The following TNIK variants were observed in gnomAD, a reference collection of about 807,000 sequenced individuals.
The protein encoded by TNIK is TRAF2 and NCK-interacting protein kinase.
A neutral mutation model predicts 191.3 loss-of-function variants in TNIK; 49 were observed. That is an observed-to-expected ratio of 0.26 (90% confidence interval 0.20 to 0.32). The LOEUF (loss-of-function observed/expected upper bound fraction) is 0.32, where lower values mean the gene tolerates loss of function less well. TNIK is among the 10% of genes least tolerant of loss of function. The pLI, the probability that TNIK is intolerant of heterozygous loss-of-function variation, is 1.00. For synonymous variants in TNIK, 594 were observed against 600.9 expected (o/e 0.99, Z 0.17); for missense variants, 1,155 against 1,702.3 (o/e 0.68, Z 5.66).
At chr3:171,292,069 C>T (rs1751749110) in intron 2 of TNIK, among the ~76,000 whole-genome samples, 1 of 152,102 alleles carries the variant, frequency 6.6e-6, no homozygotes, top group African/African-American at 2.4e-5. Flanking sequence ...TAAGATTTCC[C>T]TTTTGTCCCT....
At chr3:171,303,829 T>G (rs1449669446) in intron 2 of TNIK, among the ~76,000 whole-genome samples, 1 of 152,152 alleles carries the variant, frequency 6.6e-6, no homozygotes, top group African/African-American at 2.4e-5. Flanking sequence ...AAGAAAAATA[T>G]CATTGCTAGC....
chr3:171,243,206 C>A (rs1577227914), intron 2 of TNIK, among the ~76,000 whole-genome samples: 1 of 152,068 alleles, frequency 6.6e-6, no homozygotes, highest in Non-Finnish European at 1.5e-5. Flanking sequence ...AGTTGTCTAA[C>A]CTTGACAACT....
Position 171,309,734 on chromosome 3 carries a change from C to A in TNIK, c.123+59886G>T, listed in dbSNP as rs181223759. 1.6e-4 allele frequency among the ~76,000 whole-genome samples: 24 copies of A among 152,212 alleles called. 1 individual carries two copies. The East Asian group carries it at 4.0e-3, about 26-fold the overall frequency. On this transcript the variant is annotated intron_variant, in intron 2 of 32. Transcript: ENST00000436636. ...AGGGTGGGGGTTTTATGAAGAGAGA[C>A]CTTTCATTCAAAATATTACTAAATA...
At chr3:171,140,679 G>A (rs1207786491) in intron 12 of TNIK, among the ~76,000 whole-genome samples, 170 bp from the exon 13 acceptor site, 1 of 152,114 alleles carries the variant, frequency 6.6e-6, no homozygotes, top group Non-Finnish European at 1.5e-5. Context: ...GGCAGGGAGC[G>A]GGTGAGAGAG....
intron 2 of TNIK, among the ~76,000 whole-genome samples, chr3:171,334,257 GCT>G (rs1351430125): frequency 1.3e-5 from 2 of 152,182 alleles, no homozygotes; most frequent in Non-Finnish European, 2.9e-5. Context: ...GTTTGCCCTT[GCT>G]CTCTCTCGCT....
At chr3:171,250,810 C>T (rs1188092794) in intron 2 of TNIK, among the ~76,000 whole-genome samples, 2 of 152,220 alleles carry the variant, frequency 1.3e-5, no homozygotes, top group Non-Finnish European at 2.9e-5. Flanking sequence ...AAAAATGCTA[C>T]AAACTTCCAT....
At position 171,159,779 on chromosome 3, in the gene TNIK, AT is replaced by A. The variant is rs1400503059; in HGVS notation, c.1016+1490del. ...CCATTGTCCTTTTCTATTTTTCAGG[AT>A]TTCATGAAGATTAATTAGATACGTC... On this transcript the variant is annotated intron_variant, in intron 11 of 32. Coordinates refer to ENST00000436636, the MANE Select transcript of TNIK (RefSeq NM_015028.4). The surrounding 1 kb of genome is among the most constrained non-coding windows in gnomAD (Gnocchi z 4.1). Among the ~76,000 whole-genome samples, 1 of 152,182 alleles carries A rather than the reference AT, an allele frequency of 6.6e-6. No individual in the cohort carries two copies. The highest frequency in any genetic ancestry group is 1.5e-5 in the Non-Finnish European group (1 of 68,028).
Position 171,187,339 on chromosome 3 carries a change from G to A in TNIK, c.639+1363C>T, listed in dbSNP as rs139449551. ...GAGATTAATTTTTAACTTGGCAGCT[G>A]TTTTCAGACAGATTGTTGTCAGGTT... is the stretch of plus-strand genomic sequence containing the variant. On this transcript the variant is annotated intron_variant, in intron 7 of 32. Transcript: ENST00000436636. Among the ~76,000 whole-genome samples the A allele has an allele frequency of 4.7e-4, 71 of 152,256 alleles. No homozygotes were observed. The East Asian group carries it at 5.6e-3, about 12-fold the overall frequency.
intron 18 of TNIK, among the ~76,000 whole-genome samples, chr3:171,119,937 T>G (rs902676106): frequency 6.6e-6 from 1 of 152,148 alleles, no homozygotes; most frequent in Non-Finnish European, 1.5e-5. Context: ...CCCTAAAACT[T>G]AAAGTATATA....
chr3:171,068,206 G>A (rs1213957722), intron 30 of TNIK, among the ~76,000 whole-genome samples: 1 of 152,092 alleles, frequency 6.6e-6, no homozygotes, highest in African/African-American at 2.4e-5. Context: ...GGGCTAATAA[G>A]AAGATCTACA....
chr3:171,277,367 C>T (rs1000751018), intron 2 of TNIK, among the ~76,000 whole-genome samples: 6 of 152,028 alleles, frequency 3.9e-5, no homozygotes, highest in African/African-American at 1.2e-4. Context: ...CAATAAAAGC[C>T]TATTTCATTG....
chr3:171,460,257 GC>G lies in TNIK; in HGVS notation c.-195del. Reference sequence around the variant, plus strand: ...GCGCGTCGGTCCGCCGGGTCCGGGAGCCCAGCCTGCGCGGATCTCCAAGCCC... The same window carrying G: ...GCGCGTCGGTCCGCCGGGTCCGGGAGCCAGCCTGCGCGGATCTCCAAGCCC... On this transcript the variant is annotated 5_prime_UTR_variant, in exon 1 of 33. Coordinates refer to ENST00000436636, the MANE Select transcript of TNIK (RefSeq NM_015028.4). This position sits in a 1 kb window ranked among gnomAD's most constrained non-coding sequence, Gnocchi z 6.8. The G allele has an allele frequency of 1.5e-6, 1 of 676,590 alleles. No individual in the cohort carries two copies. Among genetic ancestry groups the G allele is most frequent in the Non-Finnish European group, 2.5e-6 (1 of 400,408 alleles). 41.9% of individuals were successfully genotyped at this position (676,590 alleles called of 1,614,324 possible). A position where few individuals can be genotyped will look rare whatever the true frequency, so the allele number is the denominator to read the frequency against.
intron 23 of TNIK, among the ~76,000 whole-genome samples, chr3:171,091,690 G>A (rs1292647453): frequency 2.6e-5 from 4 of 151,842 alleles, no homozygotes; most frequent in African/African-American, 7.3e-5. Flanking sequence ...AGCCGAGATT[G>A]CACCACTGCA....
chr3:171,324,240 G>C (rs1465989888), intron 2 of TNIK, among the ~76,000 whole-genome samples: 1 of 152,092 alleles, frequency 6.6e-6, no homozygotes, highest in African/African-American at 2.4e-5. Context: ...TAACTTCAAG[G>C]CTCTGTGCTT....
chr3:171,077,787 GTATA>G (rs1720160218), intron 28 of TNIK, among the ~76,000 whole-genome samples: 1 of 148,582 alleles, frequency 6.7e-6, no homozygotes, highest in Non-Finnish European at 1.5e-5. Flanking sequence ...CTCTACATAT[GTATA>G]TACACATATA....
intron 2 of TNIK, among the ~76,000 whole-genome samples, chr3:171,338,295 T>A (rs1170550003): frequency 6.6e-6 from 1 of 152,178 alleles, no homozygotes; most frequent in African/African-American, 2.4e-5. Context: ...TGTGTGTATA[T>A]ATGAAATCCC....
intron 29 of TNIK, among the ~76,000 whole-genome samples, chr3:171,070,831 C>T (rs1290893602): frequency 6.6e-6 from 1 of 152,220 alleles, no homozygotes; most frequent in Non-Finnish European, 1.5e-5. Context: ...TTAAAAGAGA[C>T]TCAGTTTAAC....
Position 171,066,743 on chromosome 3 carries a change from AC to A in TNIK, c.3700-9del, listed in dbSNP as rs1718487420. On this transcript the variant is annotated splice_polypyrimidine_tract_variant and intron_variant, in intron 30 of 32. Coordinates refer to ENST00000436636, the MANE Select transcript of TNIK (RefSeq NM_015028.4). Reference sequence around the variant, plus strand: ...AGTGATATTGCCCTGAATCTAGAAGACAAAGAAAAGCCAAGCATTATTCTTT... The same window carrying A: ...AGTGATATTGCCCTGAATCTAGAAGAAAAGAAAAGCCAAGCATTATTCTTT... 1 of 1,611,926 alleles carries A rather than the reference AC, an allele frequency of 6.2e-7. No homozygotes were observed. The highest frequency in any genetic ancestry group is 8.5e-7 in the Non-Finnish European group (1 of 1,178,764).
chr3:171,370,504 A>G (rs181232845), intron 1 of TNIK, among the ~76,000 whole-genome samples: 15 of 152,356 alleles, frequency 9.8e-5, no homozygotes, highest in Middle Eastern at 6.8e-3. Context: ...TCAGAGGCAG[A>G]AATTGACTTT....
Sources: gnomAD v4.1 joint callset for allele counts (sites outside exome capture counted in the v4.1 genomes callset) on GRCh38, gnomAD v4.1.1 for gene constraint, Gnocchi (gnomAD v3.1) non-coding constraint, MANE v1.5 for transcripts, NCBI Gene and HGNC (gene_info 2026-07-23, HGNC 2026-07-21) for gene names.